FBXL2: variants seen among roughly 807,000 people sequenced by gnomAD.
FBXL2 encodes F-box/LRR-repeat protein 2.
In FBXL2, 38 loss-of-function variants were observed where a neutral mutation model predicts 69.2. The observed-to-expected ratio is 0.55, with a 90% CI of 0.42 to 0.72. FBXL2 has a LOEUF of 0.72. FBXL2 is among the 30% of genes least tolerant of loss of function. The pLI, the probability that FBXL2 is intolerant of heterozygous loss-of-function variation, is 0.00. For missense variants in FBXL2, 354 were observed against 520.3 expected (o/e 0.68, Z 3.11); for synonymous variants, 192 against 201.3 (o/e 0.95, Z 0.39).
chr3:33,393,658 T>C (rs1230020123), intron 12 of FBXL2, among the ~76,000 whole-genome samples: 1 of 152,218 alleles, frequency 6.6e-6, no homozygotes, highest in Admixed American at 6.5e-5. Context: ...TAAGAATACA[T>C]TATTTATATC....
intron 2 of FBXL2, among the ~76,000 whole-genome samples, chr3:33,356,989 C>G (rs114848493): frequency 0.013 from 1,967 of 152,262 alleles, 41 homozygotes; most frequent in African/African-American, 0.045. Context: ...TTGAACCAGA[C>G]TACCTGGGTT....
At chr3:33,297,812 A>T in intron 2 of FBXL2, 87 bp downstream of exon 2, 1 of 827,802 alleles carries the variant, frequency 1.2e-6, no homozygotes, top group Non-Finnish European at 2.1e-6. Context: ...CTGTGAGTCC[A>T]TAGCATAGAA....
rs1287024927 is a variant in FBXL2 at position 33,400,933 on chromosome 3, T to C, written n.1215-2301T>C. ...TTTAAAATGTAGAACCCTGAAAGCATCAGATAGTTTTAGGAGAAAGATACT... is the reference window on the plus strand; with the variant it reads ...TTTAAAATGTAGAACCCTGAAAGCACCAGATAGTTTTAGGAGAAAGATACT... On this transcript the variant is annotated intron_variant and non_coding_transcript_variant, in intron 12 of 12. Transcript: ENST00000463736. The C allele has an allele frequency of 1.3e-6, 2 of 1,587,960 alleles. 1 individual carries two copies. Among genetic ancestry groups the C allele is most frequent in the South Asian group, 2.3e-5 (2 of 85,656 alleles).
At chr3:33,378,631 T>G in intron 12 of FBXL2, 54 bp from the exon 13 acceptor site, 1 of 1,550,230 alleles carries the variant, frequency 6.5e-7, no homozygotes, top group Non-Finnish European at 8.8e-7. Flanking sequence ...AAGCCAGGAT[T>G]AGGTATTAAG....
chr3:33,304,613 C>T (rs2036563934), intron 2 of FBXL2, among the ~76,000 whole-genome samples: 2 of 152,010 alleles, frequency 1.3e-5, no homozygotes, highest in Admixed American at 6.6e-5. Context: ...CTGCTTTGGA[C>T]ATCCTCGTAG....
intron 2 of FBXL2, among the ~76,000 whole-genome samples, chr3:33,311,470 T>G (rs2037187156): frequency 6.6e-6 from 1 of 152,174 alleles, no homozygotes; most frequent in South Asian, 2.1e-4. Flanking sequence ...TTCACTCTTT[T>G]TCATTTTTTT....
At chr3:33,351,732 C>T (rs529520564) in intron 2 of FBXL2, among the ~76,000 whole-genome samples, 2 of 152,250 alleles carry the variant, frequency 1.3e-5, no homozygotes, top group South Asian at 2.1e-4. Context: ...TAGAATACAG[C>T]TTGGCAGTTT....
rs555906652 is a variant in FBXL2, at chr3:33,375,045, T to C, written c.658-243T>C. Reference sequence around the variant, plus strand: ...AAACTTTTATTCTCCATTTATATTATTTAAAATTTTTACTTTATTTTTTCC... The same window carrying C: ...AAACTTTTATTCTCCATTTATATTACTTAAAATTTTTACTTTATTTTTTCC... On this transcript the variant is annotated intron_variant, in intron 9 of 14. Transcript: ENST00000484457. Among the ~76,000 whole-genome samples the C allele has an allele frequency of 5.3e-5, 8 of 152,346 alleles. No individual in the cohort carries two copies. In the East Asian group the frequency reaches 1.3e-3, roughly 26 times the overall value.
At chr3:33,294,580 T>G (rs907632723) in intron 1 of FBXL2, among the ~76,000 whole-genome samples, 2 of 152,150 alleles carry the variant, frequency 1.3e-5, no homozygotes, top group African/African-American at 4.8e-5. Flanking sequence ...GCCTCACACC[T>G]ATAATCCCAG....
intron 2 of FBXL2, among the ~76,000 whole-genome samples, chr3:33,299,465 A>T (rs982185943): frequency 1.3e-5 from 2 of 152,160 alleles, no homozygotes. Context: ...AATGACTATG[A>T]GTTTTGTTTA....
intron 1 of FBXL2, among the ~76,000 whole-genome samples, chr3:33,283,447 T>C (rs1449865505): frequency 6.6e-6 from 1 of 152,244 alleles, no homozygotes; most frequent in African/African-American, 2.4e-5. Context: ...GGATTCAGTT[T>C]GCCAGTATTT....
the FBXL2 span, among the ~76,000 whole-genome samples, chr3:33,413,577 G>GA: frequency 6.9e-6 from 1 of 145,430 alleles, no homozygotes; most frequent in Non-Finnish European, 1.5e-5. Context: ...TTTGAGTTTT[G>GA]AAAAAAAAGA....
At chr3:33,309,116 C>T (rs1426706709) in intron 2 of FBXL2, among the ~76,000 whole-genome samples, 1 of 152,114 alleles carries the variant, frequency 6.6e-6, no homozygotes, top group Non-Finnish European at 1.5e-5. Context: ...AGTTCAAGTA[C>T]AATATTTCCT....
chr3:33,337,318 A>G (rs2039670683), intron 2 of FBXL2, among the ~76,000 whole-genome samples: 1 of 152,200 alleles, frequency 6.6e-6, no homozygotes. Context: ...AATCTATCAG[A>G]AAAAGAAACC....
At chr3:33,375,118 C>G (rs1459853120) in intron 9 of FBXL2, among the ~76,000 whole-genome samples, 170 bp from the exon 10 acceptor site, 5 of 152,162 alleles carry the variant, frequency 3.3e-5, no homozygotes, top group African/African-American at 1.2e-4. Flanking sequence ...TAAAGCTGTG[C>G]AGAGATAACA....
Position 33,346,877 on chromosome 3 carries a change from A to G in FBXL2, c.66-12090A>G, listed in dbSNP as rs914301603. On this transcript the variant is annotated intron_variant, in intron 2 of 14. Transcript: ENST00000484457. The stretch of plus-strand genomic sequence containing the variant: ...GTAAGCATATATATTTATGGGGTAT[A>G]TGAGATACTTTGATACAGGCATGCA... Among the ~76,000 whole-genome samples the G allele has an allele frequency of 1.2e-4, 19 of 152,208 alleles. No homozygotes were observed. The South Asian group carries it at 3.1e-3, about 25-fold the overall frequency.
At chr3:33,324,477 G>A (rs2038516538) in intron 2 of FBXL2, among the ~76,000 whole-genome samples, 3 of 152,138 alleles carry the variant, frequency 2.0e-5, no homozygotes, top group Admixed American at 2.0e-4. Context: ...GTTAATTTTA[G>A]TGTAAGGTAT....
At chr3:33,358,729 T>A (rs17030436) in intron 2 of FBXL2, among the ~76,000 whole-genome samples, 1 of 152,216 alleles carries the variant, frequency 6.6e-6, no homozygotes, top group Admixed American at 6.5e-5. Context: ...AAGGGAAATA[T>A]AAGCTTAATG....
chr3:33,329,603 G>A, intron 2 of FBXL2, among the ~76,000 whole-genome samples: 1 of 152,160 alleles, frequency 6.6e-6, no homozygotes, highest in Admixed American at 6.5e-5. Context: ...TTGAAATCCT[G>A]TCGTTTGCAG....
Sources: allele counts gnomAD v4.1 joint callset (sites outside exome capture counted in the v4.1 genomes callset), GRCh38; gene constraint gnomAD v4.1.1; transcripts MANE v1.5; gene names NCBI Gene and HGNC (gene_info 2026-07-23, HGNC 2026-07-21).